Variants in PCDH15 observed in about 807,000 individuals in gnomAD.
PCDH15 encodes protocadherin related 15, also known as protocadherin-15.
Under a neutral mutation model 178.5 loss-of-function variants are expected in PCDH15, and 129 were observed. The observed-to-expected ratio is 0.72, with a 90% CI of 0.63 to 0.84. The LOEUF is 0.84. Ranked by LOEUF, PCDH15 falls within the 40% of genes least tolerant of loss-of-function variation. The pLI is 0.00. For synonymous variants in PCDH15, 800 were observed against 732.0 expected (o/e 1.09, Z -1.50); for missense variants, 2,230 against 2,099.9 (o/e 1.06, Z -1.21).
intron 5 of PCDH15, among the ~76,000 whole-genome samples, chr10:54,350,041 C>T (rs1311630242): frequency 6.6e-6 from 1 of 151,734 alleles, no homozygotes; most frequent in Non-Finnish European, 1.5e-5. Flanking sequence ...ATTGTATTAG[C>T]CGTAGGAATA....
intron 5 of PCDH15, among the ~76,000 whole-genome samples, chr10:54,364,624 T>C (rs1045391890): frequency 1.3e-5 from 2 of 152,160 alleles, no homozygotes; most frequent in Admixed American, 6.6e-5. Context: ...TTTTTTTCTT[T>C]ACTTATTTTG....
chr10:54,685,086 A>T (rs1487881779), intron 1 of PCDH15, among the ~76,000 whole-genome samples: 3 of 152,018 alleles, frequency 2.0e-5, no homozygotes, highest in African/African-American at 4.8e-5. Flanking sequence ...ACCCAAAAAT[A>T]CACATTAGCC....
chr10:54,709,998 TAATA>T (rs2095412467), intron 1 of PCDH15, among the ~76,000 whole-genome samples: 1 of 150,736 alleles, frequency 6.6e-6, no homozygotes, highest in African/African-American at 2.4e-5. Context: ...ACTAGACATG[TAATA>T]AATATGTATA....
At chr10:54,902,312 C>T (rs1954650586) in intron 2 of PCDH15, among the ~76,000 whole-genome samples, 1 of 152,194 alleles carries the variant, frequency 6.6e-6, no homozygotes, top group Non-Finnish European at 1.5e-5. Flanking sequence ...CCACCCAAAT[C>T]TCATGTTGAG....
chr10:53,851,695 TATATATATATATATATA>T (rs1344055523), intron 28 of PCDH15, among the ~76,000 whole-genome samples: 1 of 38,300 alleles, frequency 2.6e-5, no homozygotes, highest in Non-Finnish European at 4.9e-5. Flanking sequence ...TATATATATA[TATATATATATATATATA>T]TATATATATA....
intron 15 of PCDH15, among the ~76,000 whole-genome samples, chr10:54,111,850 G>C (rs999996989): frequency 2.0e-5 from 3 of 151,940 alleles, no homozygotes; most frequent in Non-Finnish European, 4.4e-5. Context: ...ATCTTGGCCA[G>C]GCGTGGTGGC....
intron 1 of PCDH15, among the ~76,000 whole-genome samples, chr10:54,728,906 G>A (rs891833593): frequency 5.3e-5 from 8 of 151,460 alleles, no homozygotes; most frequent in Admixed American, 4.6e-4. Flanking sequence ...ATAAAACACT[G>A]CTGAAAGAAA....
chr10:55,387,055 C>G (rs1837680275), intron 2 of PCDH15, among the ~76,000 whole-genome samples: 1 of 152,008 alleles, frequency 6.6e-6, no homozygotes, highest in South Asian at 2.1e-4. Context: ...GAAGCTGATT[C>G]ATTTTTACAT....
chr10:55,432,291 G>A (rs1838900682), intron 2 of PCDH15, among the ~76,000 whole-genome samples: 1 of 152,162 alleles, frequency 6.6e-6, no homozygotes, highest in South Asian at 2.1e-4. Context: ...AGGCTGGTGT[G>A]GCTGAGATAT....
chr10:54,137,221 C>A (rs1026849389), intron 14 of PCDH15, among the ~76,000 whole-genome samples: 1 of 152,052 alleles, frequency 6.6e-6, no homozygotes, highest in South Asian at 2.1e-4. Context: ...TATTTTATCG[C>A]TAAATGCATA....
At chr10:53,884,963 T>C (rs1329139517) in intron 26 of PCDH15, among the ~76,000 whole-genome samples, 1 of 152,178 alleles carries the variant, frequency 6.6e-6, no homozygotes, top group Admixed American at 6.5e-5. Context: ...CAGAAAAGAT[T>C]ATGTGTCATG....
At chr10:55,594,515 A>G (rs966656139) in intron 2 of PCDH15, among the ~76,000 whole-genome samples, 1 of 152,060 alleles carries the variant, frequency 6.6e-6, no homozygotes, top group African/African-American at 2.4e-5. Context: ...GCTAATTACC[A>G]CAAATAGTAA....
At chr10:53,967,797 G>C (rs12240343) in intron 21 of PCDH15, among the ~76,000 whole-genome samples, 2 of 151,818 alleles carry the variant, frequency 1.3e-5, no homozygotes, top group African/African-American at 4.8e-5. Flanking sequence ...ATATTCTACC[G>C]TATCTCTCTA....
chr10:54,355,635 A>T (rs1020526602), intron 5 of PCDH15, among the ~76,000 whole-genome samples: 3 of 152,062 alleles, frequency 2.0e-5, no homozygotes, highest in African/African-American at 7.2e-5. Flanking sequence ...TGTATTAAAG[A>T]TAAATTATTT....
chr10:54,286,203 TG>T (rs2059016500), intron 8 of PCDH15, among the ~76,000 whole-genome samples: 1 of 152,220 alleles, frequency 6.6e-6, no homozygotes, highest in Non-Finnish European at 1.5e-5. Flanking sequence ...GAATTTTGAA[TG>T]TTTTTACCAC....
intron 32 of PCDH15, among the ~76,000 whole-genome samples, chr10:53,825,806 A>AAAT (rs1243708031): frequency 6.6e-6 from 1 of 151,336 alleles, no homozygotes; most frequent in African/African-American, 2.4e-5. Flanking sequence ...TAAGATAATT[A>AAAT]AATATGTAGA....
chr10:54,989,289 A>T (rs1839446697), intron 2 of PCDH15, among the ~76,000 whole-genome samples: 1 of 152,194 alleles, frequency 6.6e-6, no homozygotes, highest in Non-Finnish European at 1.5e-5. Flanking sequence ...CCCCACACAG[A>T]GTCCCTACTC....
intron 13 of PCDH15, among the ~76,000 whole-genome samples, chr10:54,175,808 G>A (rs2133698867): frequency 6.6e-6 from 1 of 151,962 alleles, no homozygotes; most frequent in East Asian, 1.9e-4. Context: ...TATAAAATTA[G>A]GCTATAAAAA....
chr10:54,456,419 G>A (rs577226324), intron 3 of PCDH15, among the ~76,000 whole-genome samples: 50 of 152,060 alleles, frequency 3.3e-4, no homozygotes, highest in Non-Finnish European at 6.5e-4. Flanking sequence ...AATGGGGCCT[G>A]AAGCCCCTTT....
Sources: allele counts gnomAD v4.1 joint callset (sites outside exome capture counted in the v4.1 genomes callset), GRCh38; gene constraint gnomAD v4.1.1; transcripts MANE v1.5; gene names NCBI Gene and HGNC (gene_info 2026-07-23, HGNC 2026-07-21).